PPA2: variants seen among roughly 807,000 people sequenced by gnomAD.
The protein encoded by PPA2 is inorganic pyrophosphatase 2.
A neutral mutation model predicts 49.5 loss-of-function variants in PPA2; 48 were observed. That is an observed-to-expected ratio of 0.97 (90% CI 0.77 to 1.23). PPA2 has a LOEUF of 1.23. Among genes scored for constraint, PPA2 ranks in the 50% most tolerant of loss-of-function variants. The probability of loss-of-function intolerance (pLI) is 0.00; values close to 1 mark genes in which losing one functional copy is unlikely to be tolerated. For missense variants in PPA2, 429 were observed against 410.1 expected (o/e 1.05, Z -0.40); for synonymous variants, 131 against 139.9 (o/e 0.94, Z 0.45).
At chr4:105,432,748 T>A (rs540908257) in intron 6 of PPA2, among the ~76,000 whole-genome samples, 44 of 152,230 alleles carry the variant, frequency 2.9e-4, no homozygotes, top group African/African-American at 7.7e-4. Flanking sequence ...TCAGTTATTG[T>A]TAGTGTTAGT....
At chr4:105,412,398 G>C (rs957946349) in intron 7 of PPA2, among the ~76,000 whole-genome samples, 2 of 151,852 alleles carry the variant, frequency 1.3e-5, no homozygotes, top group Admixed American at 6.6e-5. Flanking sequence ...AGAAAACCTA[G>C]GCAATACCAT....
intron 7 of PPA2, among the ~76,000 whole-genome samples, chr4:105,410,165 G>T (rs1282503674): frequency 6.6e-6 from 1 of 152,140 alleles, no homozygotes; most frequent in Non-Finnish European, 1.5e-5. Context: ...TAAAAACCTT[G>T]AAAAAGGTTA....
chr4:105,396,497 T>A (rs113700655), intron 8 of PPA2, among the ~76,000 whole-genome samples, 163 bp from the exon 9 acceptor site: 11 of 152,234 alleles, frequency 7.2e-5, no homozygotes, highest in African/African-American at 2.4e-4. Flanking sequence ...GTCAGCTGTG[T>A]GACTTTGGGC....
At chr4:105,442,371 G>C (rs1330854415) in intron 5 of PPA2, among the ~76,000 whole-genome samples, 1 of 152,130 alleles carries the variant, frequency 6.6e-6, no homozygotes, top group East Asian at 1.9e-4. Flanking sequence ...GGCCTAGAGA[G>C]ATTTAGTCAC....
Position 105,457,584 on chromosome 4 carries a change from T to A in PPA2, c.158-839A>T, listed in dbSNP as rs765159949. 4.0e-4 allele frequency among the ~76,000 whole-genome samples: 61 copies of A among 151,156 alleles called. 1 individual carries two copies. Among genetic ancestry groups the A allele is most frequent in the Non-Finnish European group, 7.5e-4 (51 of 67,646 alleles). Reference sequence around the variant, plus strand: ...AGCAATGAGCACACCAGCAACCACATCTTGGTTTCTTTCTTCTTTTTTTTT... The same window carrying A: ...AGCAATGAGCACACCAGCAACCACAACTTGGTTTCTTTCTTCTTTTTTTTT... On this transcript the variant is annotated intron_variant, in intron 1 of 11. Transcript: ENST00000341695.
chr4:105,404,734 C>T (rs1447961986), intron 7 of PPA2, among the ~76,000 whole-genome samples: 2 of 152,152 alleles, frequency 1.3e-5, no homozygotes, highest in Non-Finnish European at 2.9e-5. Context: ...ATGAACACAG[C>T]CAAAGTTACA....
chr4:105,437,960 A>G lies in PPA2; in HGVS notation c.518T>C (p.Ile173Thr). The change falls in exon 6 of 12, where the codon ATA becomes ACA. Residue 173 changes from isoleucine (I) to threonine (T), a missense_variant. Ile to Thr is a moderately conservative substitution (Grantham distance 89, BLOSUM62 -1). Transcript: ENST00000341695. ...GDNDPIDVCE[I>T]GSKILSCGEV... ...GTCTATAAAACAAACCTTTGAGCCT[A>G]TTTCGCAAACATCAATAGGATCATT... is the stretch of plus-strand genomic sequence containing the variant. The G allele has an allele frequency of 1.2e-6, 2 of 1,605,068 alleles. No individual in the cohort carries two copies. The highest frequency in any genetic ancestry group is 1.3e-5 in the African/African-American group (1 of 74,354).
intron 5 of PPA2, chr4:105,446,169 G>T (rs1350138399): frequency 2.5e-6 from 1 of 395,546 alleles, no homozygotes; most frequent in Non-Finnish European, 4.4e-6. Context: ...CATTCCATAT[G>T]CCTGACTCCA....
At chr4:105,443,463 AAT>A in intron 5 of PPA2, among the ~76,000 whole-genome samples, 1 of 151,146 alleles carries the variant, frequency 6.6e-6, no homozygotes, top group Admixed American at 6.6e-5. Flanking sequence ...AAAAAAAAAA[AAT>A]CAGGTAGAGC....
At chr4:105,456,360 A>G (rs565385101) in intron 2 of PPA2, 22 of 433,904 alleles carry the variant, frequency 5.1e-5, no homozygotes, top group South Asian at 3.6e-4. Context: ...TAGCAAATAA[A>G]AAATAATCCA....
chr4:105,465,507 C>T (rs751124854), intron 1 of PPA2, among the ~76,000 whole-genome samples: 2 of 151,608 alleles, frequency 1.3e-5, no homozygotes, highest in African/African-American at 2.4e-5. Context: ...CATGCATTCA[C>T]GTTTTTTTGG....
intron 10 of PPA2, among the ~76,000 whole-genome samples, chr4:105,372,698 G>A (rs72665982): frequency 0.12 from 18,900 of 152,060 alleles, 1,509 homozygotes; most frequent in East Asian, 0.43. Flanking sequence ...CCTTCACACT[G>A]GAACTGCATC....
intron 9 of PPA2, among the ~76,000 whole-genome samples, chr4:105,388,132 A>C (rs1733757830): frequency 6.6e-6 from 1 of 152,238 alleles, no homozygotes; most frequent in South Asian, 2.1e-4. Context: ...ATTACATTTG[A>C]ATTTCAAATA....
intron 1 of PPA2, among the ~76,000 whole-genome samples, chr4:105,469,981 T>C (rs750824434): frequency 5.5e-4 from 84 of 152,220 alleles, no homozygotes; most frequent in Non-Finnish European, 1.1e-3. Flanking sequence ...ATGCTTACTA[T>C]AAGTGACAAA....
chr4:105,380,823 C>T (rs1002851661), intron 10 of PPA2, among the ~76,000 whole-genome samples: 1 of 152,074 alleles, frequency 6.6e-6, no homozygotes, highest in African/African-American at 2.4e-5. Context: ...CACCCAGTCT[C>T]TTATCAATAG....
At chr4:105,451,213 A>C (rs377398065) in intron 3 of PPA2, among the ~76,000 whole-genome samples, 1 of 152,198 alleles carries the variant, frequency 6.6e-6, no homozygotes, top group African/African-American at 2.4e-5. Flanking sequence ...AGCTGGACTA[A>C]AGCATTGCTG....
In PPA2 at chr4:105,438,086, T is replaced by C. The variant is rs186403998; in HGVS notation, c.442-50A>G. The stretch of plus-strand genomic sequence containing the variant: ...GCAGAAATGTAAGTTAATACTATAA[T>C]GTACTTTAATCTTTCCACATAATCA... On this transcript the variant is annotated intron_variant, in intron 5 of 11. Coordinates refer to ENST00000341695, the MANE Select transcript of PPA2 (RefSeq NM_176869.3). 141 of 1,242,608 alleles carry C rather than the reference T, an allele frequency of 1.1e-4. No individual in the cohort carries two copies. The African/African-American group carries it at 1.7e-3, about 15-fold the overall frequency. 77.0% of individuals were successfully genotyped at this position (1,242,608 alleles called of 1,614,324 possible). A position where few individuals can be genotyped will look rare whatever the true frequency, so the allele number is the denominator to read the frequency against.
chr4:105,396,351 AAAT>A lies in PPA2; in HGVS notation c.784-20_784-18del, dbSNP rs779138357. On this transcript the variant is annotated intron_variant, in intron 8 of 11. Coordinates refer to ENST00000341695, the MANE Select transcript of PPA2 (RefSeq NM_176869.3). ...AGCAAAAGCCTAGCTCCAAACAAAC[AAAT>A]AAAAAAAGACGTATTTAATATCAGT... The A allele has an allele frequency of 1.3e-6, 2 of 1,506,968 alleles. No homozygotes were observed. The highest frequency in any genetic ancestry group is 1.8e-6 in the Non-Finnish European group (2 of 1,112,744). The allele number at this position is 1,506,968 out of a possible 1,614,324, so 93.3% of individuals were successfully genotyped here.
chr4:105,379,444 GAT>G (rs1733389161), intron 10 of PPA2, among the ~76,000 whole-genome samples: 1 of 100,676 alleles, frequency 9.9e-6, no homozygotes, highest in Non-Finnish European at 2.4e-5. Context: ...TAGATAGATA[GAT>G]AGATAGATAG....
Sources: allele counts gnomAD v4.1 joint callset (sites outside exome capture counted in the v4.1 genomes callset), GRCh38; gene constraint gnomAD v4.1.1; transcripts MANE v1.5; gene names NCBI Gene and HGNC (gene_info 2026-07-23, HGNC 2026-07-21).